MTMR3: variants seen among roughly 807,000 people sequenced by gnomAD.
MTMR3 encodes the protein myotubularin related protein 3, also known as phosphatidylinositol-3,5-bisphosphate 3-phosphatase MTMR3.
Under a neutral mutation model 132.4 loss-of-function variants are expected in MTMR3, and 32 were observed. That is an observed-to-expected ratio of 0.24 (90% CI 0.18 to 0.32). The LOEUF (loss-of-function observed/expected upper bound fraction) is 0.32. Among genes scored for constraint, MTMR3 ranks in the 10% least tolerant of loss-of-function variants. MTMR3 has a pLI of 1.00. For missense variants in MTMR3, 1,216 were observed against 1,489.6 expected, an observed-to-expected ratio of 0.82 and a Z score of 3.02; for synonymous variants, 556 against 550.3, an observed-to-expected ratio of 1.01 and a Z score of -0.14.
intron 7 of MTMR3, 126 bp downstream of exon 7, chr22:29,991,796 A>T: frequency 1.0e-6 from 1 of 984,282 alleles, no homozygotes; most frequent in South Asian, 2.1e-5. Flanking sequence ...AGGAGCACCC[A>T]GCAAGTGCGC....
chr22:30,002,928 T>G lies in MTMR3; in HGVS notation c.606T>G (p.Thr202=), dbSNP rs1216085175. 2 of 1,614,126 alleles carry G rather than the reference T, an allele frequency of 1.2e-6. No homozygotes were observed. Among genetic ancestry groups the G allele is most frequent in the South Asian group, 2.2e-5 (2 of 91,074 alleles). ...AGCTCATAGTGCCTGCCTGGATCAC[T>G]GACAAAGAACTGGAAAGTGTATCAA... is the stretch of plus-strand genomic sequence containing the variant. ...PQELIVPAWI[T]DKELESVSSF... is the part of the protein sequence containing the mutation. Residue 202 remains threonine (T), a synonymous_variant, in exon 9 of 20, where the codon ACT becomes ACG. Transcript: ENST00000401950.
chr22:29,908,793 A>G (rs2065149635), intron 1 of MTMR3, among the ~76,000 whole-genome samples: 1 of 152,204 alleles, frequency 6.6e-6, no homozygotes, highest in Admixed American at 6.5e-5. Context: ...AGTGCTAAAC[A>G]TGGTAAAATT....
At chr22:29,970,497 CTTTTTTTTTTTT>C (rs11326857) in intron 2 of MTMR3, among the ~76,000 whole-genome samples, 27 of 57,784 alleles carry the variant, frequency 4.7e-4, no homozygotes, top group East Asian at 7.7e-4. Flanking sequence ...CCATGACCAG[CTTTTTTTTTTTT>C]TTTTTTTTTT....
At chr22:30,014,137 C>T (rs1209077726) in intron 14 of MTMR3, 1 of 152,398 alleles carries the variant, frequency 6.6e-6, no homozygotes, top group African/African-American at 2.4e-5. Context: ...TCCTATTGCT[C>T]TTGTTCCCCT....
chr22:30,018,115 T>C (rs985500598), intron 16 of MTMR3, 43 bp downstream of exon 16: 1 of 1,546,746 alleles, frequency 6.5e-7, no homozygotes. Context: ...CCTGTGTGGG[T>C]GTATTCCTGT....
chr22:29,962,971 G>T (rs920736547), intron 2 of MTMR3, among the ~76,000 whole-genome samples: 2 of 150,448 alleles, frequency 1.3e-5, no homozygotes, highest in Non-Finnish European at 1.5e-5. Context: ...GTGTGCCGTG[G>T]CATGAAGATC....
rs1433115178 is a variant in MTMR3, at chr22:29,979,550, T to G, written c.210+498T>G. On this transcript the variant is annotated intron_variant, in intron 5 of 19. Transcript: ENST00000401950. ...TAGATCAGCAAGCAGCTCTTATGCT[T>G]GATTTAAAATGATGTGTGTAGTTGT... 8.8e-5 allele frequency: 18 copies of G among 204,520 alleles called. 1 individual carries two copies. The highest frequency in any genetic ancestry group is 5.8e-5 in the Non-Finnish European group (6 of 103,396). 12.7% of individuals were successfully genotyped at this position (204,520 alleles called of 1,614,324 possible).
At chr22:29,978,688 T>C (rs16988143) in intron 4 of MTMR3, among the ~76,000 whole-genome samples, 157 bp downstream of exon 4, 11,855 of 152,248 alleles carry the variant, frequency 0.078, 538 homozygotes, top group African/African-American at 0.092. Context: ...GCAAGACTTA[T>C]TTCCTGAGAA....
intron 3 of MTMR3, among the ~76,000 whole-genome samples, chr22:29,974,246 A>G (rs2066590424): frequency 6.6e-6 from 1 of 152,222 alleles, no homozygotes; most frequent in Non-Finnish European, 1.5e-5. Context: ...TTCTCACCTT[A>G]TTAACCATCT....
In MTMR3 at chr22:30,012,402, C is replaced by T; in HGVS notation, c.1156C>T (p.His386Tyr). The change falls in exon 13 of 20, where the codon CAT (histidine) becomes TAT (tyrosine). Residue 386 changes from histidine (H) to tyrosine (Y), a missense_variant. By Grantham distance (83) the His-to-Tyr change is moderately conservative (BLOSUM62 2). Coordinates refer to ENST00000401950, the MANE Select transcript of MTMR3 (RefSeq NM_021090.4). Reference sequence around the variant, plus strand: ...AGCTCTTGAAAGCACAAAATGGCTCCATCACTTGTCTGTGCTTCTGAAATC... The same window carrying T: ...AGCTCTTGAAAGCACAAAATGGCTCTATCACTTGTCTGTGCTTCTGAAATC... ...LSALESTKWL[H>Y]HLSVLLKSAL... 1 of 1,613,846 alleles carries T rather than the reference C, an allele frequency of 6.2e-7. No homozygotes were observed. Among genetic ancestry groups the T allele is most frequent in the Non-Finnish European group, 8.5e-7 (1 of 1,179,946 alleles).
intron 1 of MTMR3, among the ~76,000 whole-genome samples, chr22:29,955,574 G>A (rs1314935384): frequency 6.6e-6 from 1 of 152,144 alleles, no homozygotes; most frequent in Admixed American, 6.5e-5. Flanking sequence ...TGCAAATTAT[G>A]AGTAGCTGTT....
At chr22:29,974,294 C>G (rs1457333288) in intron 3 of MTMR3, among the ~76,000 whole-genome samples, 2 of 152,180 alleles carry the variant, frequency 1.3e-5, no homozygotes, top group Admixed American at 6.5e-5. Context: ...CTCACAGAAA[C>G]TATAATAAAT....
intron 8 of MTMR3, chr22:29,999,141 G>C (rs555924389): frequency 1.1e-5 from 2 of 183,136 alleles, no homozygotes; most frequent in African/African-American, 4.7e-5. Flanking sequence ...TATTGTATTT[G>C]CCTGTAGGCA....
chr22:29,917,734 A>G (rs1031960859), intron 1 of MTMR3, among the ~76,000 whole-genome samples: 2 of 152,222 alleles, frequency 1.3e-5, no homozygotes, highest in African/African-American at 4.8e-5. Context: ...TCCACATTCT[A>G]TTGCCATCAT....
intron 5 of MTMR3, chr22:29,986,503 T>G (rs2066860745): frequency 2.5e-5 from 15 of 607,732 alleles, no homozygotes; most frequent in African/African-American, 2.8e-5. Flanking sequence ...GGTTTGTTTG[T>G]TTTTTTTTTT....
intron 1 of MTMR3, among the ~76,000 whole-genome samples, chr22:29,914,928 A>G (rs1165616315): frequency 6.6e-6 from 1 of 152,190 alleles, no homozygotes; most frequent in Non-Finnish European, 1.5e-5. Flanking sequence ...TATGAATTAT[A>G]AAAGTTTGAT....
intron 1 of MTMR3, among the ~76,000 whole-genome samples, chr22:29,930,665 C>T (rs768641563): frequency 6.6e-6 from 1 of 152,092 alleles, no homozygotes; most frequent in Non-Finnish European, 1.5e-5. Context: ...GCACTCCAGC[C>T]TGGGCTACAG....
chr22:29,942,121 C>A (rs1194974510), intron 1 of MTMR3, among the ~76,000 whole-genome samples: 1 of 152,116 alleles, frequency 6.6e-6, no homozygotes, highest in African/African-American at 2.4e-5. Context: ...CACGTAGGTT[C>A]TTTTCTATTT....
chr22:30,007,505 C>T, intron 10 of MTMR3, 186 bp downstream of exon 10: 1 of 645,964 alleles, frequency 1.5e-6, no homozygotes, highest in Non-Finnish European at 2.6e-6. Flanking sequence ...TTGTTTCAAA[C>T]CTGAATCAAG....
Sources: gnomAD v4.1 joint callset for allele counts (sites outside exome capture counted in the v4.1 genomes callset) on GRCh38, gnomAD v4.1.1 for gene constraint, MANE v1.5 for transcripts, NCBI Gene and HGNC (gene_info 2026-07-23, HGNC 2026-07-21) for gene names.